SHANK1: variants seen among roughly 807,000 people sequenced by gnomAD.
The protein encoded by SHANK1 is SH3 and multiple ankyrin repeat domains protein 1.
A neutral mutation model predicts 165.6 loss-of-function variants in SHANK1; 35 were observed. The ratio of observed to expected loss-of-function variants is 0.21; its 90% CI spans 0.16 to 0.28. SHANK1 has a LOEUF of 0.28. Among genes scored for constraint, SHANK1 ranks in the 10% least tolerant of loss-of-function variants. The pLI is 1.00. For missense variants in SHANK1, 2,681 were observed against 3,036.4 expected (o/e 0.88, Z 2.75); for synonymous variants, 1,428 against 1,384.8 (o/e 1.03, Z -0.69).
At chr19:50,685,056 C>A (rs887127251) in intron 21 of SHANK1, among the ~76,000 whole-genome samples, 1 of 152,224 alleles carries the variant, frequency 6.6e-6, no homozygotes, top group African/African-American at 2.4e-5. Flanking sequence ...TAAATGGACC[C>A]CTGACCACTA....
chr19:50,665,737 T>TAAAAAAAAAAA lies in SHANK1; in HGVS notation c.5768+444_5768+454dup, dbSNP rs71182756. 1.0e-4 allele frequency among the ~76,000 whole-genome samples: 10 copies of TAAAAAAAAAAA among 98,172 alleles called. 1 individual carries two copies. The highest frequency in any genetic ancestry group is 1.4e-4 in the African/African-American group (3 of 21,210). The allele number at this position is 98,172 out of a possible 152,430, so 64.4% of individuals were successfully genotyped here. On this transcript the variant is annotated intron_variant, in intron 23 of 23. Transcript: ENST00000293441. ...GGGTGACAGAGTGAGACCCTGTTTCTAAAAAAAAAAAAAAAGCCAGGCATG... is the reference window on the plus strand; with the variant it reads ...GGGTGACAGAGTGAGACCCTGTTTCTAAAAAAAAAAAAAAAAAAAAAAAAAAGCCAGGCATG...
intron 3 of SHANK1, 81 bp from the exon 4 acceptor site, chr19:50,715,811 G>A (rs1015711690): frequency 5.3e-6 from 7 of 1,322,530 alleles, no homozygotes; most frequent in Non-Finnish European, 3.3e-6. Flanking sequence ...GGTAGGGGAA[G>A]GTCTGATCCC....
chr19:50,703,601 C>T lies in SHANK1; in HGVS notation c.1452G>A (p.Gly484=), dbSNP rs1248229293. The T allele has an allele frequency of 6.4e-7, 1 of 1,558,584 alleles. No individual in the cohort carries two copies. Among genetic ancestry groups the T allele is most frequent in the South Asian group, 1.2e-5 (1 of 84,884 alleles). The part of the protein sequence containing the change: ...PSAPTTKLSS[G]TLRSASSPRG... ...GGGGGCTGCTGGCACTTCGGAGGGT[C>T]CCGCTGCTGAGCTTGGTGGTGGGGG... The change falls in exon 11 of 24, where the codon GGG becomes GGA. Residue 484 remains glycine, a synonymous_variant. Coordinates refer to ENST00000293441, the MANE Select transcript of SHANK1 (RefSeq NM_016148.5).
At chr19:50,671,704 A>T (rs544493276) in intron 22 of SHANK1, among the ~76,000 whole-genome samples, 1 of 152,110 alleles carries the variant, frequency 6.6e-6, no homozygotes, top group South Asian at 2.1e-4. Context: ...GAATGAATGG[A>T]TGGAATCGGG....
chr19:50,703,297 C>T (rs984442198), intron 11 of SHANK1, among the ~76,000 whole-genome samples: 2 of 152,072 alleles, frequency 1.3e-5, no homozygotes, highest in African/African-American at 4.8e-5. Context: ...TGTCCTGGAG[C>T]AGACATCCAG....
In SHANK1 at chr19:50,690,294, ACT is replaced by A. The variant is rs1986501501; in HGVS notation, c.1965-1017_1965-1016del. ...CACGTACCCAGGAAATGTCAATGAAACTCAGATACAGTTCATGGATCTCAAGG... is the reference window on the plus strand; with the variant it reads ...CACGTACCCAGGAAATGTCAATGAAACAGATACAGTTCATGGATCTCAAGG... On this transcript the variant is annotated intron_variant, in intron 15 of 23. Transcript: ENST00000293441. The surrounding 1 kb of genome is among the most constrained non-coding windows in gnomAD (Gnocchi z 4.9). Among the ~76,000 whole-genome samples, 1 of 151,990 alleles carries A rather than the reference ACT, an allele frequency of 6.6e-6. No homozygotes were observed. Among genetic ancestry groups the A allele is most frequent in the Non-Finnish European group, 1.5e-5 (1 of 67,982 alleles).
Position 50,667,262 on chromosome 19 carries a change from C to T in SHANK1, c.4698G>A (p.Pro1566=). 1 of 1,595,492 alleles carries T rather than the reference C, an allele frequency of 6.3e-7. No individual in the cohort carries two copies. The highest frequency in any genetic ancestry group is 8.5e-7 in the Non-Finnish European group (1 of 1,178,344). Residue 1566 remains proline, a synonymous_variant, in exon 23 of 24, where the codon CCG becomes CCA. Coordinates refer to ENST00000293441, the MANE Select transcript of SHANK1 (RefSeq NM_016148.5). This position sits in a 1 kb window ranked among gnomAD's most constrained non-coding sequence, Gnocchi z 5.7. ...VEDGEFLFVE[P]LPPPLEFSNS... ...TGGAGAATTCCAGAGGCGGAGGCAG[C>T]GGTTCCACGAAAAGGAATTCGCCAT...
Position 50,715,742 on chromosome 19 carries a change from G to T in SHANK1, c.460-12C>A, listed in dbSNP as rs190450226. 18 of 1,612,896 alleles carry T rather than the reference G, an allele frequency of 1.1e-5. No homozygotes were observed. Among genetic ancestry groups the T allele is most frequent in the Non-Finnish European group, 1.5e-5 (18 of 1,178,874 alleles). On this transcript the variant is annotated splice_polypyrimidine_tract_variant and intron_variant, in intron 3 of 23. Transcript: ENST00000293441. ...GTCTTGTATCGGAACTGAGGTCAAGGGTAGGGTAGTGAGAGAGACACAGAG... is the reference window on the plus strand; with the variant it reads ...GTCTTGTATCGGAACTGAGGTCAAGTGTAGGGTAGTGAGAGAGACACAGAG...
rs113663983 is a variant in SHANK1 at position 50,711,016 on chromosome 19, C to A, written c.1077+355G>T. 394 of 192,844 alleles carry A rather than the reference C, an allele frequency of 2.0e-3. 1 individual carries two copies. Among genetic ancestry groups the A allele is most frequent in the African/African-American group, 8.6e-3 (371 of 43,184 alleles). The allele number at this position is 192,844 out of a possible 1,614,324, so 11.9% of individuals were successfully genotyped here. ...AGCCACTCCATCCCAAGCCCAGTCC[C>A]AGATGTGGGCTCCCGCAGGGATCTG... On this transcript the variant is annotated intron_variant, in intron 8 of 23. Coordinates refer to ENST00000293441, the MANE Select transcript of SHANK1 (RefSeq NM_016148.5).
At chr19:50,693,642 G>A (rs970716436) in intron 15 of SHANK1, among the ~76,000 whole-genome samples, 13 of 144,846 alleles carry the variant, frequency 9.0e-5, no homozygotes, top group African/African-American at 3.1e-4. Context: ...GTGCACGGGC[G>A]CACCCCCAAC....
chr19:50,665,444 G>A (rs545206090), intron 23 of SHANK1, among the ~76,000 whole-genome samples: 1 of 151,458 alleles, frequency 6.6e-6, no homozygotes, highest in Non-Finnish European at 1.5e-5. Flanking sequence ...GCGGGCACCT[G>A]TAATCGCAGC....
Position 50,702,908 on chromosome 19 carries a change from C to T in SHANK1, c.1554-248G>A, listed in dbSNP as rs2088884732. Among the ~76,000 whole-genome samples, 1 of 152,134 alleles carries T rather than the reference C, an allele frequency of 6.6e-6. No homozygotes were observed. Among genetic ancestry groups the T allele is most frequent in the Admixed American group, 6.5e-5 (1 of 15,280 alleles). ...CCCTCCCACGGTCCTGCGCGCACCG[C>T]CTGATTCAGCTTCCTGAGGCTGAGC... On this transcript the variant is annotated intron_variant, in intron 11 of 23. Transcript: ENST00000293441. The surrounding 1 kb of genome is among the most constrained non-coding windows in gnomAD (Gnocchi z 5.3).
rs1437833050 is a variant in SHANK1, at chr19:50,662,550, C to A, written c.5901G>T (p.Gly1967=). 2 of 1,561,310 alleles carry A rather than the reference C, an allele frequency of 1.3e-6. No individual in the cohort carries two copies. The highest frequency in any genetic ancestry group is 1.9e-5 in the Admixed American group (1 of 51,816). ...AGGAGGAGGCTGAGGGTGAGGTGGC[C>A]CCTGGGGCCGCAGCGGCTGTAGGGG... is the stretch of plus-strand genomic sequence containing the variant. ...GVSPTAAAAP[G]ATSPSASSSS... Residue 1967 remains glycine (G), a synonymous_variant, in exon 24 of 24, where the codon GGG becomes GGT. Transcript: ENST00000293441. This position sits in a 1 kb window ranked among gnomAD's most constrained non-coding sequence, Gnocchi z 7.7.
chr19:50,667,560 G>C lies in SHANK1; in HGVS notation c.4400C>G (p.Pro1467Arg), dbSNP rs1985587870. Residue 1467 changes from proline to arginine, a missense_variant, in exon 23 of 24, where the codon CCG becomes CGG. Physicochemically the swap from Pro to Arg is moderately radical, Grantham distance 103. Transcript: ENST00000293441. This position sits in a 1 kb window ranked among gnomAD's most constrained non-coding sequence, Gnocchi z 5.7. The part of the protein sequence containing the change: ...PLLLQLGTEP[P>R]APHPGVSKPW... ...CTTGCTTACTCCGGGGTGCGGGGCC[G>C]GGGGCTCCGTCCCCAGCTGCAGCAG... The C allele has an allele frequency of 2.1e-6, 3 of 1,456,138 alleles. No homozygotes were observed. Among genetic ancestry groups the C allele is most frequent in the Non-Finnish European group, 1.8e-6 (2 of 1,115,880 alleles). 90.2% of individuals were successfully genotyped at this position (1,456,138 alleles called of 1,614,324 possible).
At chr19:50,715,556 A>C (rs1599875118) in intron 4 of SHANK1, 103 bp downstream of exon 4, 5 of 1,023,036 alleles carry the variant, frequency 4.9e-6, no homozygotes, top group Non-Finnish European at 6.2e-6. Context: ...TGGCTTGGGG[A>C]ATGTGGAGGT....
chr19:50,706,254 A>G (rs1220080635), intron 8 of SHANK1, among the ~76,000 whole-genome samples: 2 of 152,128 alleles, frequency 1.3e-5, no homozygotes, highest in African/African-American at 2.4e-5. Flanking sequence ...AAAGTCTTCT[A>G]TCTTAATCAC....
intron 1 of SHANK1, among the ~76,000 whole-genome samples, chr19:50,719,033 C>T (rs1288652909): frequency 6.8e-6 from 1 of 146,152 alleles, no homozygotes; most frequent in Non-Finnish European, 1.5e-5. Context: ...CCAGGGTGAC[C>T]TGGCGGAGGG....
intron 23 of SHANK1, chr19:50,663,093 T>G: frequency 4.7e-6 from 1 of 213,558 alleles, no homozygotes; most frequent in Non-Finnish European, 9.4e-6. Flanking sequence ...GTTAAATAAC[T>G]TGCCTAAGGA....
Position 50,667,553 on chromosome 19 carries a change from CG to C in SHANK1, c.4406del (p.Pro1469ArgfsTer5). On this transcript the variant is annotated frameshift_variant, in exon 23 of 24. Transcript: ENST00000293441. LOFTEE classifies it high-confidence loss of function. The surrounding 1 kb of genome is among the most constrained non-coding windows in gnomAD (Gnocchi z 5.7). ...TCCAGGGCTTGCTTACTCCGGGGTG[CG>C]GGGCCGGGGGCTCCGTCCCCAGCTG... ...LLQLGTEPPA[P>X]HPGVSKPWRS... The C allele has an allele frequency of 6.8e-7, 1 of 1,460,536 alleles. No homozygotes were observed. Among genetic ancestry groups the C allele is most frequent in the Non-Finnish European group, 8.9e-7 (1 of 1,119,384 alleles). The allele number at this position is 1,460,536 out of a possible 1,614,324, so 90.5% of individuals were successfully genotyped here.
Sources: gnomAD v4.1 joint callset for allele counts (sites outside exome capture counted in the v4.1 genomes callset) on GRCh38, gnomAD v4.1.1 for gene constraint, Gnocchi (gnomAD v3.1) non-coding constraint, MANE v1.5 for transcripts, NCBI Gene and HGNC (gene_info 2026-07-23, HGNC 2026-07-21) for gene names.